The following HIVEP3 variants were observed in gnomAD, a reference collection of about 807,000 sequenced individuals.
HIVEP3 encodes the protein HIVEP zinc finger 3.
Under a neutral mutation model 152.8 loss-of-function variants are expected in HIVEP3, and 49 were observed. The ratio of observed to expected loss-of-function variants is 0.32; its 90% confidence interval spans 0.26 to 0.41. The LOEUF (loss-of-function observed/expected upper bound fraction) is 0.41, where lower values mean the gene tolerates loss of function less well. Ranked by LOEUF, HIVEP3 falls within the 10% of genes least tolerant of loss-of-function variation. The probability of loss-of-function intolerance (pLI) is 1.00; values close to 1 mark genes in which losing one functional copy is unlikely to be tolerated. For missense variants in HIVEP3, 2,790 were observed against 3,103.3 expected (o/e 0.90, Z 2.40); for synonymous variants, 1,269 against 1,289.0 (o/e 0.98, Z 0.33).
intron 1 of HIVEP3, among the ~76,000 whole-genome samples, chr1:41,901,480 A>G (rs138448888): frequency 2.8e-4 from 43 of 152,210 alleles, no homozygotes; most frequent in Non-Finnish European, 5.3e-4. Context: ...GCGATCCTCA[A>G]TAGCCAAGCA....
intron 1 of HIVEP3, among the ~76,000 whole-genome samples, chr1:41,705,790 C>CA (rs748317846): frequency 6.6e-6 from 1 of 152,086 alleles, no homozygotes; most frequent in Non-Finnish European, 1.5e-5. Flanking sequence ...CCCAGAAAGA[C>CA]AGTCTAAGAA....
upstream of HIVEP3, among the ~76,000 whole-genome samples, chr1:41,919,926 G>T (rs1644926708): frequency 1.3e-5 from 2 of 152,138 alleles, no homozygotes; most frequent in Admixed American, 1.3e-4. Context: ...CTGCTCCTCC[G>T]CTGGTTCCCG....
chr1:41,627,218 G>A (rs1217159683), intron 3 of HIVEP3, among the ~76,000 whole-genome samples: 7 of 152,202 alleles, frequency 4.6e-5, no homozygotes, highest in Admixed American at 6.5e-5. Context: ...CCTTGTTAAC[G>A]TGGCTGGCAA....
At chr1:41,809,199 G>A (rs1650803889) in intron 1 of HIVEP3, among the ~76,000 whole-genome samples, 1 of 152,242 alleles carries the variant, frequency 6.6e-6, no homozygotes. Context: ...GCCTATCCAT[G>A]AAGGCACAGT....
chr1:41,819,899 C>T (rs1317915516), intron 1 of HIVEP3, among the ~76,000 whole-genome samples: 1 of 152,126 alleles, frequency 6.6e-6, no homozygotes, highest in African/African-American at 2.4e-5. Flanking sequence ...AGCAAATGTG[C>T]TATAGTCAAG....
At chr1:41,927,038 G>A (rs1237248531) in intron 1 of HIVEP3, among the ~76,000 whole-genome samples, 1 of 152,226 alleles carries the variant, frequency 6.6e-6, no homozygotes, top group Non-Finnish European at 1.5e-5. Context: ...AGGCGAGGAT[G>A]TAGCCTTGTC....
chr1:41,868,680 T>C (rs572914773), intron 1 of HIVEP3, among the ~76,000 whole-genome samples: 1 of 152,174 alleles, frequency 6.6e-6, no homozygotes, highest in Non-Finnish European at 1.5e-5. Flanking sequence ...CACCCTCCCA[T>C]GAGCACAGCA....
chr1:41,924,528 G>T (rs1644958222), intron 1 of HIVEP3, among the ~76,000 whole-genome samples: 1 of 152,156 alleles, frequency 6.6e-6, no homozygotes, highest in African/African-American at 2.4e-5. Context: ...GGAGATGGTA[G>T]AGAGTTGGAG....
intron 7 of HIVEP3, among the ~76,000 whole-genome samples, chr1:41,517,673 C>T (rs912397930): frequency 6.6e-6 from 1 of 152,170 alleles, no homozygotes; most frequent in Non-Finnish European, 1.5e-5. Context: ...GAGGGACTGC[C>T]GTCCACCACC....
chr1:41,784,589 C>T (rs941336562), intron 1 of HIVEP3, among the ~76,000 whole-genome samples: 1 of 152,118 alleles, frequency 6.6e-6, no homozygotes, highest in Non-Finnish European at 1.5e-5. Context: ...CTTATGCACT[C>T]AGGGATATTT....
At chr1:42,028,156 TTTA>T (rs1431963112) in intron 1 of HIVEP3, among the ~76,000 whole-genome samples, 1 of 152,240 alleles carries the variant, frequency 6.6e-6, no homozygotes. Context: ...CTTCTTGGTA[TTTA>T]TTATTATCTA....
intron 1 of HIVEP3, among the ~76,000 whole-genome samples, chr1:42,001,538 C>A (rs571433971): frequency 2.6e-4 from 39 of 152,294 alleles, no homozygotes; most frequent in African/African-American, 8.9e-4. Flanking sequence ...AGCTGAAAGA[C>A]TAGATTCAAG....
rs1016665306 is a variant in HIVEP3 at position 41,875,537 on chromosome 1, C to T, written c.-801+42876G>A. The stretch of plus-strand genomic sequence containing the variant: ...ACCTCTCAATGGTTTCCTCTGGCAT[C>T]TCCAGTAAAAATCAGAACTCCTTGC... On this transcript the variant is annotated intron_variant, in intron 1 of 8. Transcript: ENST00000372583. Among the ~76,000 whole-genome samples the T allele has an allele frequency of 3.3e-5, 5 of 152,382 alleles. No individual in the cohort carries two copies. The East Asian group carries it at 9.6e-4, about 29-fold the overall frequency.
chr1:41,568,124 T>C (rs1272384590), intron 5 of HIVEP3, among the ~76,000 whole-genome samples: 3 of 152,140 alleles, frequency 2.0e-5, no homozygotes, highest in Non-Finnish European at 4.4e-5. Flanking sequence ...GAACAAAACA[T>C]AGTTCCTGCC....
At chr1:41,646,376 G>A (rs1017359462) in intron 2 of HIVEP3, among the ~76,000 whole-genome samples, 3 of 152,216 alleles carry the variant, frequency 2.0e-5, no homozygotes, top group Non-Finnish European at 2.9e-5. Context: ...GCTCCCATGA[G>A]TGCGGGGCAC....
intron 1 of HIVEP3, among the ~76,000 whole-genome samples, chr1:41,824,627 T>C (rs544610896): frequency 3.3e-5 from 5 of 151,800 alleles, no homozygotes; most frequent in African/African-American, 1.2e-4. Context: ...GTCTGATCTA[T>C]ACTGTTTTTC....
chr1:41,748,020 C>A (rs772135160), intron 1 of HIVEP3, among the ~76,000 whole-genome samples: 3 of 152,190 alleles, frequency 2.0e-5, no homozygotes, highest in Non-Finnish European at 4.4e-5. Context: ...ATGGAAGGAT[C>A]CCCCATTCTT....
intron 1 of HIVEP3, among the ~76,000 whole-genome samples, chr1:41,772,661 G>A (rs947352782): frequency 2.0e-5 from 3 of 152,212 alleles, no homozygotes; most frequent in African/African-American, 7.2e-5. Flanking sequence ...TGTAATCCCA[G>A]CACTTTGGGA....
At chr1:42,000,949 G>C (rs986382452) in intron 1 of HIVEP3, among the ~76,000 whole-genome samples, 4 of 152,168 alleles carry the variant, frequency 2.6e-5, no homozygotes, top group African/African-American at 9.7e-5. Flanking sequence ...GGATGTGCCA[G>C]GCACTATTCT....
Sources: gnomAD v4.1 joint callset for allele counts (sites outside exome capture counted in the v4.1 genomes callset) on GRCh38, gnomAD v4.1.1 for gene constraint, MANE v1.5 for transcripts, NCBI Gene and HGNC (gene_info 2026-07-23, HGNC 2026-07-21) for gene names.